Variants in FGF2 observed in about 807,000 individuals in gnomAD.
FGF2 encodes the protein fibroblast growth factor 2, also known as basic fibroblast growth factor bFGF.
In FGF2, 13 loss-of-function variants were observed where a neutral mutation model predicts 15.9. The observed-to-expected ratio is 0.82, with a 90% CI of 0.53 to 1.30. FGF2 has a LOEUF of 1.30. FGF2 is among the 50% of genes most tolerant of loss of function. FGF2 has a pLI of 0.00. For missense variants in FGF2, 163 were observed against 196.9 expected, an observed-to-expected ratio of 0.83 and a Z score of 1.03; for synonymous variants, 90 against 78.4, an observed-to-expected ratio of 1.15 and a Z score of -0.78.
In FGF2 at chr4:122,892,969, C is replaced by T. The variant is rs148123353; in HGVS notation, c.*573C>T. On this transcript the variant is annotated 3_prime_UTR_variant, in exon 3 of 3. Coordinates refer to ENST00000644866, the MANE Select transcript of FGF2 (RefSeq NM_001361665.2). ...ACCCTTCTCTGTACCCATACAGCAGCAGCCTAGCAACTCTGCTGGTGATGG... is the reference window on the plus strand; with the variant it reads ...ACCCTTCTCTGTACCCATACAGCAGTAGCCTAGCAACTCTGCTGGTGATGG... 2.5e-6 allele frequency: 4 copies of T among 1,614,210 alleles called. No individual in the cohort carries two copies. The highest frequency in any genetic ancestry group is 3.4e-6 in the Non-Finnish European group (4 of 1,180,040).
chr4:122,880,544 G>T (rs1272985482), intron 2 of FGF2, among the ~76,000 whole-genome samples: 1 of 152,082 alleles, frequency 6.6e-6, no homozygotes, highest in African/African-American at 2.4e-5. Context: ...CACTGCACCT[G>T]GCCCAGCAGT....
chr4:122,836,922 C>T (rs1010387354), intron 1 of FGF2, among the ~76,000 whole-genome samples: 3 of 152,168 alleles, frequency 2.0e-5, no homozygotes, highest in Non-Finnish European at 2.9e-5. Context: ...AACATTAATG[C>T]TCAGTTCTAG....
At chr4:122,866,537 G>T (rs72672991) in intron 1 of FGF2, among the ~76,000 whole-genome samples, 23,407 of 152,200 alleles carry the variant, frequency 0.15, 1,938 homozygotes, top group Middle Eastern at 0.22. Context: ...TAAGTAGACA[G>T]TTCTTCAAAG....
At position 122,841,283 on chromosome 4, in the gene FGF2, G is replaced by A. The variant is rs1451376309; in HGVS notation, c.178+13931G>A. The stretch of plus-strand genomic sequence containing the variant: ...CACTACAATGGCAGATACCCCTCAA[G>A]GTGTAAAATATTTACTTCCTGGCCC... On this transcript the variant is annotated intron_variant, in intron 1 of 2. Transcript: ENST00000644866. 2.0e-5 allele frequency among the ~76,000 whole-genome samples: 3 copies of A among 152,296 alleles called. No homozygotes were observed. The East Asian group carries it at 5.8e-4, about 29-fold the overall frequency.
chr4:122,862,447 T>C (rs1726490930), intron 1 of FGF2, among the ~76,000 whole-genome samples: 1 of 152,206 alleles, frequency 6.6e-6, no homozygotes, highest in South Asian at 2.1e-4. Flanking sequence ...GCAATGGTGG[T>C]AATGTTGAAA....
intron 2 of FGF2, 51 bp from the exon 3 acceptor site, chr4:122,892,160 G>A (rs927761388): frequency 7.2e-7 from 1 of 1,385,070 alleles, no homozygotes; most frequent in Non-Finnish European, 1.0e-6. Flanking sequence ...TATGAAAAGT[G>A]TAATAATAAT....
intron 2 of FGF2, chr4:122,882,096 A>T (rs548517715): frequency 6.6e-6 from 1 of 152,218 alleles, no homozygotes; most frequent in Non-Finnish European, 1.5e-5. Context: ...TGTCTCCATG[A>T]TTCAGTTACC....
At chr4:122,832,404 C>T (rs184605564) in intron 1 of FGF2, among the ~76,000 whole-genome samples, 2 of 151,808 alleles carry the variant, frequency 1.3e-5, no homozygotes, top group East Asian at 1.9e-4. Context: ...GCCACCGCAC[C>T]CAGCTAATTT....
intron 1 of FGF2, among the ~76,000 whole-genome samples, chr4:122,860,664 C>T (rs1460058408): frequency 2.0e-5 from 3 of 151,990 alleles, no homozygotes; most frequent in Non-Finnish European, 4.4e-5. Flanking sequence ...GCCATGTTGA[C>T]CAGGCTGGTC....
chr4:122,893,009 GTCT>G lies in FGF2; in HGVS notation c.*616_*618del, dbSNP rs1560761959. On this transcript the variant is annotated 3_prime_UTR_variant, in exon 3 of 3. Transcript: ENST00000644866. ...GCTGGTGATGGGAGTTGTATTTTCAGTCTTCGCCAGGTCATTGAGATCCATCCA... is the reference window on the plus strand; with the variant it reads ...GCTGGTGATGGGAGTTGTATTTTCAGTCGCCAGGTCATTGAGATCCATCCA... 2 of 1,613,994 alleles carry G rather than the reference GTCT, an allele frequency of 1.2e-6. No homozygotes were observed. The highest frequency in any genetic ancestry group is 1.7e-6 in the Non-Finnish European group (2 of 1,180,042).
In FGF2 at chr4:122,871,432, A is replaced by G. The variant is rs190492538; in HGVS notation, c.179-4889A>G. On this transcript the variant is annotated intron_variant, in intron 1 of 2. Coordinates refer to ENST00000644866, the MANE Select transcript of FGF2 (RefSeq NM_001361665.2). ...CAGTGGGGTGTTAAAGTCTCCCACT[A>G]TTATTTCATAGGAGTCTAAGTCTCT... 8.5e-5 allele frequency among the ~76,000 whole-genome samples: 13 copies of G among 152,120 alleles called. No individual in the cohort carries two copies. The East Asian group carries it at 2.5e-3, about 29-fold the overall frequency.
chr4:122,862,448 A>G (rs963391244), intron 1 of FGF2, among the ~76,000 whole-genome samples: 3 of 152,220 alleles, frequency 2.0e-5, no homozygotes, highest in African/African-American at 7.2e-5. Flanking sequence ...CAATGGTGGT[A>G]ATGTTGAAAT....
chr4:122,828,577 G>A (rs964800598), intron 1 of FGF2, among the ~76,000 whole-genome samples: 1 of 152,158 alleles, frequency 6.6e-6, no homozygotes, highest in African/African-American at 2.4e-5. Flanking sequence ...TGTCATGAGG[G>A]GAGGTGGAGG....
At chr4:122,891,466 A>G (rs1212132438) in intron 2 of FGF2, among the ~76,000 whole-genome samples, 4 of 151,384 alleles carry the variant, frequency 2.6e-5, no homozygotes, top group Admixed American at 1.3e-4. Flanking sequence ...TGAAATTAAA[A>G]GGCAAAGTCC....
intron 1 of FGF2, among the ~76,000 whole-genome samples, chr4:122,875,592 A>G (rs1211851002): frequency 6.6e-6 from 1 of 152,096 alleles, no homozygotes; most frequent in Admixed American, 6.5e-5. Context: ...GTGGGTCACG[A>G]GGTCAGGAGA....
At position 122,892,451 on chromosome 4, in the gene FGF2, A is replaced by G; in HGVS notation, c.*55A>G. On this transcript the variant is annotated 3_prime_UTR_variant, in exon 3 of 3. Coordinates refer to ENST00000644866, the MANE Select transcript of FGF2 (RefSeq NM_001361665.2). Reference sequence around the variant, plus strand: ...CATGAAAGAAGAAGTATATTTTAGAAATTTGTTAATGAGAGTAAAAGAAAA... The same window carrying G: ...CATGAAAGAAGAAGTATATTTTAGAGATTTGTTAATGAGAGTAAAAGAAAA... 6.2e-7 allele frequency: 1 copy of G among 1,610,692 alleles called. No individual in the cohort carries two copies. Among genetic ancestry groups the G allele is most frequent in the Non-Finnish European group, 8.5e-7 (1 of 1,177,450 alleles).
chr4:122,882,705 G>A (rs1358659186), intron 2 of FGF2: 1 of 152,194 alleles, frequency 6.6e-6, no homozygotes, highest in African/African-American at 2.4e-5. Context: ...GGATTTCTTA[G>A]TCTCCTTTGA....
chr4:122,849,541 G>A (rs1043151082), intron 1 of FGF2, among the ~76,000 whole-genome samples: 1 of 151,982 alleles, frequency 6.6e-6, no homozygotes, highest in Non-Finnish European at 1.5e-5. Context: ...CATGGCACGT[G>A]TATACCTGTG....
intron 2 of FGF2, among the ~76,000 whole-genome samples, chr4:122,879,408 G>A (rs560988341): frequency 6.6e-6 from 1 of 152,112 alleles, no homozygotes; most frequent in African/African-American, 2.4e-5. Context: ...GGGTGGTAGA[G>A]GAAAAAAAAG....
Sources: allele counts gnomAD v4.1 joint callset (sites outside exome capture counted in the v4.1 genomes callset), GRCh38; gene constraint gnomAD v4.1.1; transcripts MANE v1.5; gene names NCBI Gene and HGNC (gene_info 2026-07-23, HGNC 2026-07-21).